Variants in WASF3 observed in about 807,000 individuals in gnomAD.
WASF3 encodes actin-binding protein WASF3.
In WASF3, 11 loss-of-function variants were observed where a neutral mutation model predicts 46.6. The observed-to-expected ratio is 0.24, with a 90% CI of 0.15 to 0.39. The LOEUF is 0.39. Ranked by LOEUF, WASF3 falls within the 10% of genes least tolerant of loss-of-function variation. WASF3 has a pLI of 1.00. For synonymous variants in WASF3, 242 were observed against 259.7 expected, an observed-to-expected ratio of 0.93 and a Z score of 0.65; for missense variants, 576 against 669.8, an observed-to-expected ratio of 0.86 and a Z score of 1.55.
At position 26,688,195 on chromosome 13, in the gene WASF3, A is replaced by T. The variant is rs1301294164; in HGVS notation, c.*2350A>T. On this transcript the variant is annotated 3_prime_UTR_variant, in exon 10 of 10. Transcript: ENST00000335327. Reference sequence around the variant, plus strand: ...AAATTCAATTTATTCTGAAATTTAAATCCAGATCTTTTCTAATATGGTATT... The same window carrying T: ...AAATTCAATTTATTCTGAAATTTAATTCCAGATCTTTTCTAATATGGTATT... 1 of 152,238 alleles carries T rather than the reference A, an allele frequency of 6.6e-6. No homozygotes were observed. Among genetic ancestry groups the T allele is most frequent in the Non-Finnish European group, 1.5e-5 (1 of 68,054 alleles). 9.4% of individuals were successfully genotyped at this position (152,238 alleles called of 1,614,324 possible).
intron 6 of WASF3, among the ~76,000 whole-genome samples, 177 bp downstream of exon 6, chr13:26,672,166 A>G (rs1226397730): frequency 2.6e-5 from 4 of 152,234 alleles, no homozygotes; most frequent in African/African-American, 4.8e-5. Context: ...ACTATCTTCA[A>G]TAAATACTGA....
At chr13:26,604,143 T>A (rs9512284) in intron 1 of WASF3, among the ~76,000 whole-genome samples, 3,963 of 148,238 alleles carry the variant, frequency 0.027, 57 homozygotes, top group African/African-American at 0.043. Flanking sequence ...TACTGTGTGA[T>A]TTTTTTTGGA....
At chr13:26,649,722 T>TA (rs1322529036) in intron 3 of WASF3, among the ~76,000 whole-genome samples, 3 of 152,170 alleles carry the variant, frequency 2.0e-5, no homozygotes, top group African/African-American at 7.2e-5. Flanking sequence ...ACCAGGTTCT[T>TA]ACATTGAAGA....
At chr13:26,666,301 G>T (rs1005975364) in intron 4 of WASF3, among the ~76,000 whole-genome samples, 8 of 152,238 alleles carry the variant, frequency 5.3e-5, no homozygotes, top group African/African-American at 1.9e-4. Flanking sequence ...GGCTGTTGCC[G>T]TTAGAATGCT....
chr13:26,642,496 A>G, intron 3 of WASF3, 93 bp downstream of exon 3: 1 of 1,398,334 alleles, frequency 7.2e-7, no homozygotes, highest in Middle Eastern at 1.9e-4. Flanking sequence ...AAGAGATTGC[A>G]GCTTTAAGGA....
chr13:26,563,692 A>G (rs1438714901), intron 1 of WASF3, among the ~76,000 whole-genome samples: 3 of 142,044 alleles, frequency 2.1e-5, no homozygotes, highest in African/African-American at 7.8e-5. Context: ...TAGTTTTTCC[A>G]TACTTAGATT....
chr13:26,540,503 C>G, the WASF3 span, among the ~76,000 whole-genome samples: 1 of 152,200 alleles, frequency 6.6e-6, no homozygotes, highest in African/African-American at 2.4e-5. Flanking sequence ...CCTAGGGTGG[C>G]CTGCCTCTGT....
chr13:26,657,235 A>G (rs982856090), intron 3 of WASF3, among the ~76,000 whole-genome samples: 1 of 152,262 alleles, frequency 6.6e-6, no homozygotes, highest in Non-Finnish European at 1.5e-5. Flanking sequence ...AGAATGCCCT[A>G]AAGATGATAC....
At chr13:26,568,763 G>T (rs1879547435) in intron 1 of WASF3, among the ~76,000 whole-genome samples, 1 of 152,178 alleles carries the variant, frequency 6.6e-6, no homozygotes, top group Non-Finnish European at 1.5e-5. Context: ...CAGAACCAAA[G>T]TAATTTTGGT....
chr13:26,587,434 C>A (rs989513980), intron 1 of WASF3, among the ~76,000 whole-genome samples: 3 of 152,020 alleles, frequency 2.0e-5, no homozygotes, highest in Non-Finnish European at 4.4e-5. Flanking sequence ...GTTTCTTTTC[C>A]TCTATAACCA....
intron 1 of WASF3, among the ~76,000 whole-genome samples, chr13:26,610,125 T>A (rs574024443): frequency 6.6e-6 from 1 of 152,258 alleles, no homozygotes; most frequent in South Asian, 2.1e-4. Flanking sequence ...ACTCCTTGAC[T>A]CCAGGGGAGT....
At chr13:26,603,028 G>A (rs1880686806) in intron 1 of WASF3, among the ~76,000 whole-genome samples, 1 of 152,184 alleles carries the variant, frequency 6.6e-6, no homozygotes, top group Non-Finnish European at 1.5e-5. Flanking sequence ...TGATTTTTAA[G>A]TCTGAGCTTG....
chr13:26,681,985 A>G (rs1078629), intron 8 of WASF3, among the ~76,000 whole-genome samples: 43,963 of 151,932 alleles, frequency 0.29, 6,580 homozygotes, highest in South Asian at 0.39. Context: ...CTGAATGACA[A>G]TCCTGCTCTC....
At chr13:26,639,808 C>A (rs1881940062) in intron 2 of WASF3, 1 of 152,454 alleles carries the variant, frequency 6.6e-6, no homozygotes, top group South Asian at 2.1e-4. Context: ...ATAGGAAGCA[C>A]AGGGTCCTTG....
At chr13:26,636,164 C>T (rs543460173) in intron 2 of WASF3, among the ~76,000 whole-genome samples, 7 of 152,352 alleles carry the variant, frequency 4.6e-5, no homozygotes, top group African/African-American at 9.6e-5. Flanking sequence ...TGGTGGGCTC[C>T]GCCCAGTTCA....
chr13:26,569,653 GA>G (rs1466494839), intron 1 of WASF3, among the ~76,000 whole-genome samples: 1 of 152,120 alleles, frequency 6.6e-6, no homozygotes, highest in Non-Finnish European at 1.5e-5. Context: ...TCAATTTTAA[GA>G]AGTTAGAAAG....
At chr13:26,594,422 A>G (rs949006339) in intron 1 of WASF3, among the ~76,000 whole-genome samples, 2 of 152,172 alleles carry the variant, frequency 1.3e-5, no homozygotes, top group Admixed American at 6.5e-5. Context: ...TCAGCACTCA[A>G]GCTGGAATTG....
intron 1 of WASF3, among the ~76,000 whole-genome samples, chr13:26,578,433 C>T (rs1052052572): frequency 5.9e-5 from 9 of 152,160 alleles, no homozygotes; most frequent in African/African-American, 1.4e-4. Flanking sequence ...GTTAGAACTT[C>T]CCCTCCCTGC....
chr13:26,641,042 G>C (rs1484749301), intron 2 of WASF3: 1 of 152,206 alleles, frequency 6.6e-6, no homozygotes. Flanking sequence ...TGTCTCACCA[G>C]TCATTGTAGA....
Sources: allele counts gnomAD v4.1 joint callset (sites outside exome capture counted in the v4.1 genomes callset), GRCh38; gene constraint gnomAD v4.1.1; transcripts MANE v1.5; gene names NCBI Gene and HGNC (gene_info 2026-07-23, HGNC 2026-07-21).